SUGCT: variants seen among roughly 807,000 people sequenced by gnomAD.
SUGCT encodes succinyl-CoA:glutarate CoA-transferase.
Under a neutral mutation model 55.0 loss-of-function variants are expected in SUGCT, and 41 were observed. The ratio of observed to expected loss-of-function variants is 0.74; its 90% CI spans 0.58 to 0.97. The LOEUF (loss-of-function observed/expected upper bound fraction) is 0.97. SUGCT is among the 50% of genes least tolerant of loss of function. SUGCT has a pLI of 0.00. For missense variants in SUGCT, 568 were observed against 547.8 expected (o/e 1.04, Z -0.37); for synonymous variants, 187 against 200.4 (o/e 0.93, Z 0.56).
At chr7:40,188,622 C>G in intron 4 of SUGCT, 42 bp downstream of exon 4, 1 of 1,300,962 alleles carries the variant, frequency 7.7e-7, no homozygotes, top group Non-Finnish European at 1.1e-6. Flanking sequence ...GTGTAATTCT[C>G]TTATAATAGC....
At chr7:40,407,746 C>T (rs1459801065) in intron 9 of SUGCT, among the ~76,000 whole-genome samples, 2 of 151,926 alleles carry the variant, frequency 1.3e-5, no homozygotes, top group African/African-American at 2.4e-5. Flanking sequence ...CCCCAATTTA[C>T]GAATTGGCAA....
chr7:40,816,906 T>C (rs780140500), intron 13 of SUGCT, among the ~76,000 whole-genome samples: 3 of 152,184 alleles, frequency 2.0e-5, no homozygotes, highest in African/African-American at 4.8e-5. Flanking sequence ...GGTAGGAGTA[T>C]ACAAGTGAGA....
intron 11 of SUGCT, among the ~76,000 whole-genome samples, chr7:40,461,813 C>T (rs1789820480): frequency 6.6e-6 from 1 of 152,168 alleles, no homozygotes; most frequent in Non-Finnish European, 1.5e-5. Context: ...CCTTTGGTGG[C>T]TGCCAAGTAC....
intron 9 of SUGCT, among the ~76,000 whole-genome samples, chr7:40,330,406 C>T (rs1390170885): frequency 6.6e-6 from 1 of 151,918 alleles, no homozygotes; most frequent in East Asian, 1.9e-4. Context: ...TAGGAAAGGT[C>T]CTGTTAACAA....
At position 40,274,528 on chromosome 7, in the gene SUGCT, C is replaced by A; in HGVS notation, c.592C>A (p.Arg198Ser). 2 of 1,612,722 alleles carry A rather than the reference C, an allele frequency of 1.2e-6. No homozygotes were observed. The highest frequency in any genetic ancestry group is 8.5e-7 in the Non-Finnish European group (1 of 1,179,508). ...ITGPENGDPV[R>S]PGVAMTDLAT... ...TTCAAATCAGAATGGAGATCCAGTTCGCCCAGGAGTAGCTATGACTGATCT... is the reference window on the plus strand; with the variant it reads ...TTCAAATCAGAATGGAGATCCAGTTAGCCCAGGAGTAGCTATGACTGATCT... Residue 198 changes from arginine to serine, a missense_variant, in exon 8 of 14, where the codon CGC becomes AGC. By Grantham distance (110) the Arg-to-Ser change is moderately radical. Coordinates refer to ENST00000335693, the MANE Select transcript of SUGCT (RefSeq NM_001193313.2).
At chr7:40,346,907 A>G (rs537134327) in intron 9 of SUGCT, among the ~76,000 whole-genome samples, 1 of 152,216 alleles carries the variant, frequency 6.6e-6, no homozygotes, top group Admixed American at 6.5e-5. Flanking sequence ...CTGGAACGCG[A>G]TTCTCGGACT....
rs1158621741 is a variant in SUGCT, at chr7:40,686,653, C to T, written c.1090-62781C>T. ...AAATATCAGCATCTACACATCCATT[C>T]TCTTGGTCTGTTCAGTTCTCTAGAG... On this transcript the variant is annotated intron_variant, in intron 12 of 13. Coordinates refer to ENST00000335693, the MANE Select transcript of SUGCT (RefSeq NM_001193313.2). 3.9e-5 allele frequency among the ~76,000 whole-genome samples: 6 copies of T among 152,102 alleles called. No homozygotes were observed. In the East Asian group the frequency reaches 1.2e-3, roughly 29 times the overall value.
At chr7:40,195,123 T>G in intron 6 of SUGCT, 63 bp downstream of exon 6, 1 of 1,449,486 alleles carries the variant, frequency 6.9e-7, no homozygotes, top group South Asian at 1.5e-5. Context: ...TTCTTATTGC[T>G]ATAAGAAACC....
At chr7:40,744,336 T>C (rs1787623902) in intron 12 of SUGCT, among the ~76,000 whole-genome samples, 1 of 152,194 alleles carries the variant, frequency 6.6e-6, no homozygotes, top group Admixed American at 6.5e-5. Context: ...GTATCTGTGG[T>C]GCCAGAGTAT....
intron 2 of SUGCT, among the ~76,000 whole-genome samples, chr7:40,181,575 C>T (rs1214715826): frequency 6.6e-6 from 1 of 151,950 alleles, no homozygotes; most frequent in Non-Finnish European, 1.5e-5. Context: ...GAAACCCCGT[C>T]TCTACTAAAA....
At chr7:40,590,739 G>A (rs189666570) in intron 12 of SUGCT, among the ~76,000 whole-genome samples, 1 of 152,204 alleles carries the variant, frequency 6.6e-6, no homozygotes, top group Non-Finnish European at 1.5e-5. Flanking sequence ...CTTTAAGGTG[G>A]AGCCAATGCT....
chr7:40,830,743 CAT>C (rs776701553), intron 13 of SUGCT, among the ~76,000 whole-genome samples: 2 of 152,200 alleles, frequency 1.3e-5, no homozygotes, highest in Non-Finnish European at 2.9e-5. Context: ...GCCATTCACA[CAT>C]ATGTTGATTC....
At chr7:40,378,792 T>G (rs1257518337) in intron 9 of SUGCT, among the ~76,000 whole-genome samples, 1 of 152,202 alleles carries the variant, frequency 6.6e-6, no homozygotes, top group Non-Finnish European at 1.5e-5. Context: ...CTTTCTTTAG[T>G]TCTTTAGGAC....
the SUGCT span, among the ~76,000 whole-genome samples, chr7:41,026,139 A>T: frequency 6.6e-6 from 1 of 152,202 alleles, no homozygotes; most frequent in African/African-American, 2.4e-5. Context: ...GGCCAGGGCC[A>T]GCTTCATGGG....
In SUGCT at chr7:40,181,955, A is replaced by C; in HGVS notation, c.153A>C (p.Arg51Ser). The change falls in exon 3 of 14, where the codon AGA (arginine) becomes AGC (serine). Residue 51 changes from arginine (R) to serine (S), a missense_variant and splice_region_variant. Transcript: ENST00000335693. ...TTATTTATCATTTTTAACATTGTAG[A>C]GTCCTGGCGGGACCTTTTGCTACTA... is the stretch of plus-strand genomic sequence containing the variant. ...LEGVKILDLT[R>S]VLAGPFATMN... is the part of the protein sequence containing the mutation. 6.4e-7 allele frequency: 1 copy of C among 1,564,416 alleles called. No homozygotes were observed. Among genetic ancestry groups the C allele is most frequent in the Non-Finnish European group, 8.7e-7 (1 of 1,146,180 alleles).
rs112112784 is a variant in SUGCT, at chr7:40,299,403, A to G, written c.721-17357A>G. On this transcript the variant is annotated intron_variant, in intron 8 of 13. Coordinates refer to ENST00000335693, the MANE Select transcript of SUGCT (RefSeq NM_001193313.2). Reference sequence around the variant, plus strand: ...GCTCATTAAAACAAGAAAAACAACAACAACAAACTGTCACAGGTTGCATTT... The same window carrying G: ...GCTCATTAAAACAAGAAAAACAACAGCAACAAACTGTCACAGGTTGCATTT... Among the ~76,000 whole-genome samples the G allele has an allele frequency of 3.5e-3, 539 of 152,280 alleles. 2 individuals carry two copies. Among genetic ancestry groups the G allele is most frequent in the African/African-American group, 0.012 (489 of 41,550 alleles).
the SUGCT span, among the ~76,000 whole-genome samples, chr7:40,873,509 A>G: frequency 5.9e-5 from 9 of 152,142 alleles, no homozygotes; most frequent in Admixed American, 2.0e-4. Context: ...ATTCTTTTCC[A>G]TGTCCACAGC....
intron 12 of SUGCT, among the ~76,000 whole-genome samples, chr7:40,516,687 A>G (rs1052647390): frequency 2.0e-4 from 30 of 152,094 alleles, no homozygotes; most frequent in Non-Finnish European, 3.8e-4. Context: ...ATTAATTTAT[A>G]TATCTATCCT....
At chr7:40,962,906 G>T in the SUGCT span, among the ~76,000 whole-genome samples, 1 of 152,072 alleles carries the variant, frequency 6.6e-6, no homozygotes, top group Admixed American at 6.6e-5. Context: ...ACTCTTTTAG[G>T]CAGGTTTCCA....
Sources: gnomAD v4.1 joint callset for allele counts (sites outside exome capture counted in the v4.1 genomes callset) on GRCh38, gnomAD v4.1.1 for gene constraint, MANE v1.5 for transcripts, NCBI Gene and HGNC (gene_info 2026-07-23, HGNC 2026-07-21) for gene names.